The following CDH13 variants were observed in gnomAD, a reference collection of about 807,000 sequenced individuals.
The protein encoded by CDH13 is cadherin 13, also known as cadherin-13.
A neutral mutation model predicts 63.8 loss-of-function variants in CDH13; 24 were observed. The observed-to-expected ratio is 0.38, with a 90% CI of 0.27 to 0.53. The LOEUF (loss-of-function observed/expected upper bound fraction) is 0.53, where lower values mean the gene tolerates loss of function less well. Ranked by LOEUF, CDH13 falls within the 20% of genes least tolerant of loss-of-function variation. The pLI, the probability that CDH13 is intolerant of heterozygous loss-of-function variation, is 0.85. For synonymous variants in CDH13, 503 were observed against 355.3 expected, an observed-to-expected ratio of 1.42 and a Z score of -4.67; for missense variants, 1,049 against 903.1, an observed-to-expected ratio of 1.16 and a Z score of -2.07.
At chr16:83,676,653 A>G (rs557639838) in intron 9 of CDH13, among the ~76,000 whole-genome samples, 2 of 152,352 alleles carry the variant, frequency 1.3e-5, no homozygotes, top group Admixed American at 1.3e-4. Context: ...AGAGCTTTGC[A>G]TCTGTTAACT....
chr16:82,922,691 C>G (rs962954984), intron 2 of CDH13, among the ~76,000 whole-genome samples: 3 of 152,118 alleles, frequency 2.0e-5, no homozygotes, highest in Non-Finnish European at 4.4e-5. Context: ...GAGAATTCTA[C>G]TTATGTGCAC....
intron 4 of CDH13, among the ~76,000 whole-genome samples, chr16:83,206,584 A>C (rs1389467043): frequency 1.3e-5 from 2 of 152,232 alleles, no homozygotes; most frequent in Non-Finnish European, 2.9e-5. Flanking sequence ...ATGTTTGAGG[A>C]ATCACTGTGT....
chr16:82,931,060 C>T (rs1478809374), intron 2 of CDH13, among the ~76,000 whole-genome samples: 3 of 152,152 alleles, frequency 2.0e-5, no homozygotes, highest in African/African-American at 7.2e-5. Context: ...ACAAAGTAGG[C>T]ACCATATCTT....
chr16:83,244,032 C>T (rs928218366), intron 5 of CDH13, among the ~76,000 whole-genome samples: 8 of 152,050 alleles, frequency 5.3e-5, no homozygotes, highest in Admixed American at 5.2e-4. Context: ...AGAATTCTAA[C>T]GTCCATCCTC....
At chr16:82,835,804 C>G (rs931943350) in intron 1 of CDH13, among the ~76,000 whole-genome samples, 1 of 152,128 alleles carries the variant, frequency 6.6e-6, no homozygotes, top group East Asian at 1.9e-4. Context: ...TCCAGCAAAC[C>G]AAGGACATTT....
At chr16:83,535,508 A>G (rs2075165503) in intron 7 of CDH13, among the ~76,000 whole-genome samples, 1 of 152,192 alleles carries the variant, frequency 6.6e-6, no homozygotes, top group African/African-American at 2.4e-5. Flanking sequence ...GACCAAAGGA[A>G]GAGGACAGTC....
At chr16:82,782,868 A>G (rs139545953) in intron 1 of CDH13, among the ~76,000 whole-genome samples, 34 of 152,202 alleles carry the variant, frequency 2.2e-4, no homozygotes, top group African/African-American at 7.9e-4. Context: ...GGCCTGGGCG[A>G]GGTCTTTATG....
At chr16:83,021,342 G>A (rs557210440) in intron 2 of CDH13, among the ~76,000 whole-genome samples, 33 of 152,232 alleles carry the variant, frequency 2.2e-4, no homozygotes, top group East Asian at 3.9e-4. Context: ...ACACAAATTC[G>A]TAGTGATTAT....
chr16:83,514,575 G>T (rs1177342668), intron 7 of CDH13, among the ~76,000 whole-genome samples: 2 of 152,186 alleles, frequency 1.3e-5, no homozygotes, highest in African/African-American at 4.8e-5. Flanking sequence ...AACCTGGGAG[G>T]TGGAGGTTGC....
intron 10 of CDH13, among the ~76,000 whole-genome samples, chr16:83,682,339 GT>G (rs1915475622): frequency 1.3e-5 from 2 of 152,086 alleles, no homozygotes; most frequent in Admixed American, 1.3e-4. Context: ...GCTGTTCTGG[GT>G]GGTCTTCCGG....
chr16:83,272,203 T>C (rs1176135269), intron 5 of CDH13, among the ~76,000 whole-genome samples: 3 of 152,106 alleles, frequency 2.0e-5, no homozygotes, highest in Non-Finnish European at 4.4e-5. Context: ...TATATTCTAG[T>C]GAGGGAGATG....
At chr16:83,034,101 A>G (rs1047484536) in intron 3 of CDH13, among the ~76,000 whole-genome samples, 7 of 152,046 alleles carry the variant, frequency 4.6e-5, no homozygotes, top group African/African-American at 1.7e-4. Flanking sequence ...TAGCTTCTTT[A>G]TCTGCAGAAT....
At chr16:82,737,025 T>C (rs1352908841) in intron 1 of CDH13, among the ~76,000 whole-genome samples, 1 of 152,234 alleles carries the variant, frequency 6.6e-6, no homozygotes, top group Non-Finnish European at 1.5e-5. Context: ...TTCTTAAAAA[T>C]ATTCTCTGAC....
chr16:83,695,125 T>C (rs1212082335), intron 10 of CDH13, among the ~76,000 whole-genome samples: 4 of 152,150 alleles, frequency 2.6e-5, no homozygotes, highest in Non-Finnish European at 4.4e-5. Flanking sequence ...GAGAATCGCT[T>C]GAATCCGGGA....
chr16:83,654,582 G>A (rs1466930418), intron 8 of CDH13, among the ~76,000 whole-genome samples: 2 of 152,088 alleles, frequency 1.3e-5, no homozygotes, highest in East Asian at 3.9e-4. Flanking sequence ...GAGGAAACAG[G>A]CCTGAGAGTC....
intron 4 of CDH13, among the ~76,000 whole-genome samples, chr16:83,134,676 T>A (rs1315186730): frequency 6.6e-6 from 1 of 152,110 alleles, no homozygotes; most frequent in Non-Finnish European, 1.5e-5. Context: ...CTCATAACTT[T>A]TATCTTTTTT....
At chr16:82,857,797 A>G (rs1282116483) in intron 1 of CDH13, among the ~76,000 whole-genome samples, 2 of 152,200 alleles carry the variant, frequency 1.3e-5, no homozygotes, top group Non-Finnish European at 2.9e-5. Flanking sequence ...TTATTTAGAC[A>G]TTGAAATCCA....
chr16:83,074,264 A>G (rs1251482484), intron 3 of CDH13, among the ~76,000 whole-genome samples: 1 of 152,164 alleles, frequency 6.6e-6, no homozygotes, highest in Non-Finnish European at 1.5e-5. Flanking sequence ...TGTCTGGCAT[A>G]TTTCATTTGA....
chr16:83,274,547 G>T (rs897152126), intron 5 of CDH13, among the ~76,000 whole-genome samples: 2 of 151,916 alleles, frequency 1.3e-5, no homozygotes, highest in Non-Finnish European at 2.9e-5. Flanking sequence ...AGCTCTCTAA[G>T]TAATGTATTC....
Sources: gnomAD v4.1 joint callset for allele counts (sites outside exome capture counted in the v4.1 genomes callset) on GRCh38, gnomAD v4.1.1 for gene constraint, MANE v1.5 for transcripts, NCBI Gene and HGNC (gene_info 2026-07-23, HGNC 2026-07-21) for gene names.